NLN: variants seen among roughly 807,000 people sequenced by gnomAD.
The protein encoded by NLN is neurolysin, also known as neurolysin, mitochondrial.
In NLN, 64 loss-of-function variants were observed where a neutral mutation model predicts 79.9. That is an observed-to-expected ratio of 0.80 (90% CI 0.65 to 0.99). NLN has a LOEUF of 0.99. NLN is among the 50% of genes least tolerant of loss of function. The pLI, the probability that NLN is intolerant of heterozygous loss-of-function variation, is 0.00. For missense variants in NLN, 835 were observed against 858.7 expected (o/e 0.97, Z 0.34); for synonymous variants, 267 against 296.6 (o/e 0.90, Z 1.02).
chr5:65,787,534 C>T (rs1759957174), intron 7 of NLN, among the ~76,000 whole-genome samples: 1 of 152,122 alleles, frequency 6.6e-6, no homozygotes, highest in Non-Finnish European at 1.5e-5. Context: ...TATCCAAATA[C>T]AGTAAAGTGA....
intron 11 of NLN, among the ~76,000 whole-genome samples, chr5:65,811,426 A>G (rs1357409702): frequency 6.6e-6 from 1 of 151,708 alleles, no homozygotes; most frequent in African/African-American, 2.4e-5. Flanking sequence ...CCTGTAATCC[A>G]GCATTTTGGG....
At chr5:65,790,921 A>AGG (rs753601397) in intron 8 of NLN, among the ~76,000 whole-genome samples, 62 of 152,196 alleles carry the variant, frequency 4.1e-4, no homozygotes, top group Non-Finnish European at 7.5e-4. Context: ...TCTCACTGCC[A>AGG]GGATATAATT....
At chr5:65,733,656 G>A in intron 1 of NLN, 1 of 1,474,926 alleles carries the variant, frequency 6.8e-7, no homozygotes, top group Non-Finnish European at 9.3e-7. Context: ...TTGCTCTTAG[G>A]GAAGGCCTGA....
intron 1 of NLN, among the ~76,000 whole-genome samples, chr5:65,737,025 A>G (rs1022231869): frequency 6.6e-6 from 1 of 152,068 alleles, no homozygotes; most frequent in African/African-American, 2.4e-5. Flanking sequence ...GGATTGCTTG[A>G]TCCTGGGAGG....
intron 3 of NLN, among the ~76,000 whole-genome samples, chr5:65,771,378 G>C (rs1759562393): frequency 6.6e-6 from 1 of 152,286 alleles, no homozygotes; most frequent in Non-Finnish European, 1.5e-5. Context: ...ATTTTGGCGA[G>C]AAAAATGTAC....
At position 65,825,968 on chromosome 5, in the gene NLN, C is replaced by A. The variant is rs1230507351; in HGVS notation, c.*3053C>A. ...TTTACATTAAAATACCATCATACTT[C>A]AGGCTTCTATAACAAAATATCAGAC... On this transcript the variant is annotated 3_prime_UTR_variant, in exon 13 of 13. Coordinates refer to ENST00000380985, the MANE Select transcript of NLN (RefSeq NM_020726.5). 1 of 152,170 alleles carries A rather than the reference C, an allele frequency of 6.6e-6. No individual in the cohort carries two copies. The highest frequency in any genetic ancestry group is 2.4e-5 in the African/African-American group (1 of 41,448). The allele number at this position is 152,170 out of a possible 1,614,324, so 9.4% of individuals were successfully genotyped here.
intron 12 of NLN, among the ~76,000 whole-genome samples, chr5:65,819,810 G>C (rs1041227712): frequency 1.1e-4 from 17 of 152,002 alleles, no homozygotes; most frequent in South Asian, 2.1e-4. Context: ...AAAGAGCCTG[G>C]TACCCCCCGA....
At chr5:65,769,122 C>T (rs1300507232) in intron 3 of NLN, among the ~76,000 whole-genome samples, 1 of 152,226 alleles carries the variant, frequency 6.6e-6, no homozygotes. Flanking sequence ...CACTTATGTG[C>T]TGTCACGGAA....
intron 9 of NLN, among the ~76,000 whole-genome samples, chr5:65,803,605 C>T (rs950324095): frequency 6.6e-6 from 1 of 151,520 alleles, no homozygotes; most frequent in African/African-American, 2.4e-5. Context: ...GGTGGGGCTC[C>T]TGCCTTCTTC....
intron 12 of NLN, among the ~76,000 whole-genome samples, chr5:65,815,340 C>G (rs1760647492): frequency 6.6e-6 from 1 of 152,166 alleles, no homozygotes; most frequent in South Asian, 2.1e-4. Flanking sequence ...CTCTATACTT[C>G]CTCTTATTCT....
intron 3 of NLN, among the ~76,000 whole-genome samples, chr5:65,768,715 T>G (rs1270283610): frequency 6.6e-6 from 1 of 152,204 alleles, no homozygotes; most frequent in Admixed American, 6.5e-5. Context: ...AAATGGCCCC[T>G]TCCCTTCCCT....
At chr5:65,727,280 G>A (rs1758496235) in intron 1 of NLN, among the ~76,000 whole-genome samples, 1 of 152,090 alleles carries the variant, frequency 6.6e-6, no homozygotes, top group Non-Finnish European at 1.5e-5. Context: ...AATCCTCCCT[G>A]CCTCAGCCTT....
At chr5:65,781,171 T>C (rs1439601354) in intron 5 of NLN, 90 bp from the exon 6 acceptor site, 25 of 719,494 alleles carry the variant, frequency 3.5e-5, no homozygotes, top group Non-Finnish European at 5.9e-5. Flanking sequence ...CTACACAAAA[T>C]TCCTAGAGCT....
intron 4 of NLN, among the ~76,000 whole-genome samples, chr5:65,778,860 A>G (rs574120149): frequency 3.9e-5 from 6 of 152,286 alleles, no homozygotes; most frequent in Admixed American, 3.3e-4. Context: ...ACCTCTCCTC[A>G]TGTCTTAATG....
intron 3 of NLN, among the ~76,000 whole-genome samples, chr5:65,764,505 CA>C (rs1759409785): frequency 6.6e-6 from 1 of 152,096 alleles, no homozygotes; most frequent in Admixed American, 6.6e-5. Flanking sequence ...CCAGCCTGGG[CA>C]ACAGAGTGAG....
Position 65,798,777 on chromosome 5 carries a change from T to A in NLN, c.1527+6122T>A, listed in dbSNP as rs377752352. ...AATATGAATGTATTAATGCATAATG[T>A]TTATTTGGGAATGTGCTTATTTCTT... On this transcript the variant is annotated intron_variant, in intron 9 of 12. Transcript: ENST00000380985. Among the ~76,000 whole-genome samples the A allele has an allele frequency of 3.3e-5, 5 of 152,350 alleles. No individual in the cohort carries two copies. In the East Asian group the frequency reaches 7.7e-4, roughly 23 times the overall value.
At chr5:65,747,466 T>A (rs1277688594) in intron 1 of NLN, among the ~76,000 whole-genome samples, 2 of 152,076 alleles carry the variant, frequency 1.3e-5, no homozygotes, top group African/African-American at 4.8e-5. Context: ...TTTTTAAGAT[T>A]GATATAGCAG....
intron 1 of NLN, 51 bp downstream of exon 1, chr5:65,722,465 C>T (rs1325594884): frequency 1.3e-6 from 2 of 1,511,676 alleles, no homozygotes; most frequent in Non-Finnish European, 9.0e-7. Context: ...CGGGGTCTTT[C>T]GCCGTGTGGT....
chr5:65,822,463 A>G (rs1760824170), intron 12 of NLN, among the ~76,000 whole-genome samples: 2 of 152,234 alleles, frequency 1.3e-5, no homozygotes, highest in South Asian at 4.1e-4. Flanking sequence ...GAGATAGCAT[A>G]GCAAATAGGA....
Sources: gnomAD v4.1 joint callset for allele counts (sites outside exome capture counted in the v4.1 genomes callset) on GRCh38, gnomAD v4.1.1 for gene constraint, MANE v1.5 for transcripts, NCBI Gene and HGNC (gene_info 2026-07-23, HGNC 2026-07-21) for gene names.